Variants in DMD observed in about 807,000 individuals in gnomAD.
DMD encodes mutant dystrophin.
Under a neutral mutation model 330.1 loss-of-function variants are expected in DMD, and 63 were observed. That is an observed-to-expected ratio of 0.19 (90% CI 0.16 to 0.24). The LOEUF (loss-of-function observed/expected upper bound fraction) is 0.24, where lower values mean the gene tolerates loss of function less well. Ranked by LOEUF, DMD falls within the 10% of genes least tolerant of loss-of-function variation. DMD has a pLI of 1.00. For synonymous variants in DMD, 1,223 were observed against 959.8 expected, an observed-to-expected ratio of 1.27 and a Z score of -5.07; for missense variants, 3,344 against 2,684.1, an observed-to-expected ratio of 1.25 and a Z score of -5.43.
At chrX:31,696,356 T>C (rs1259516292) in intron 52 of DMD, among the ~76,000 whole-genome samples, 2 of 111,784 alleles carry the variant, frequency 1.8e-5, no homozygotes, top group African/African-American at 3.2e-5. Flanking sequence ...CACAAACATA[T>C]TGTTGGGGGG....
At chrX:31,643,944 T>C (rs889821078) in intron 54 of DMD, among the ~76,000 whole-genome samples, 24 of 112,130 alleles carry the variant, frequency 2.1e-4, no homozygotes, top group African/African-American at 7.8e-4. Flanking sequence ...AAGCACTTAA[T>C]TAGAAAATGG....
intron 47 of DMD, among the ~76,000 whole-genome samples, chrX:31,899,515 T>TAATAACG (rs1316408794): frequency 9.0e-6 from 1 of 110,913 alleles, no homozygotes; most frequent in African/African-American, 3.3e-5. Context: ...TTGAAGAAAA[T>TAATAACG]AATAACGTAG....
intron 60 of DMD, among the ~76,000 whole-genome samples, chrX:31,392,326 G>A (rs2060717500): frequency 2.7e-5 from 3 of 112,754 alleles, no homozygotes; most frequent in African/African-American, 9.7e-5. Flanking sequence ...AAACTGTTGA[G>A]CTAATAAACC....
intron 1 of DMD, among the ~76,000 whole-genome samples, chrX:33,262,048 C>A (rs1298274678): frequency 9.1e-6 from 1 of 109,371 alleles, no homozygotes; most frequent in Non-Finnish European, 1.9e-5. Flanking sequence ...GTTTAGAATT[C>A]TCAACAATAA....
chrX:33,280,653 T>G (rs2053315347), intron 1 of DMD, among the ~76,000 whole-genome samples: 1 of 111,976 alleles, frequency 8.9e-6, no homozygotes, highest in South Asian at 3.7e-4. Flanking sequence ...TATATGAATA[T>G]GTCCAAACTC....
chrX:32,697,023 A>C (rs942920944), intron 9 of DMD, among the ~76,000 whole-genome samples: 4 of 112,104 alleles, frequency 3.6e-5, no homozygotes, highest in African/African-American at 1.3e-4. Flanking sequence ...CGATAGGATC[A>C]GGTCTATCAT....
chrX:33,312,500 C>T (rs2053865343), intron 1 of DMD, among the ~76,000 whole-genome samples: 1 of 111,533 alleles, frequency 9.0e-6, no homozygotes, highest in Non-Finnish European at 1.9e-5. Flanking sequence ...ACTTGAATGT[C>T]GTTCTGGGTT....
chrX:32,754,839 G>A (rs1397296067), intron 7 of DMD: 1 of 111,724 alleles, frequency 9.0e-6, no homozygotes, highest in Non-Finnish European at 1.9e-5. Flanking sequence ...TCATTGTGCA[G>A]ATGGCTCCCA....
At chrX:32,568,880 A>G (rs1032838088) in intron 15 of DMD, among the ~76,000 whole-genome samples, 3 of 112,112 alleles carry the variant, frequency 2.7e-5, no homozygotes, top group Admixed American at 9.5e-5. Flanking sequence ...GATTCTTTTA[A>G]GCTTAGGTCT....
chrX:32,998,368 C>T (rs1410533236), intron 2 of DMD, among the ~76,000 whole-genome samples: 2 of 34,679 alleles, frequency 5.8e-5, no homozygotes, highest in South Asian at 2.3e-3. Flanking sequence ...GACCCAGTGT[C>T]AAAAAAAAAA....
chrX:32,173,364 AATT>A (rs1212870712), intron 44 of DMD, among the ~76,000 whole-genome samples: 1 of 109,896 alleles, frequency 9.1e-6, no homozygotes, highest in Admixed American at 9.8e-5. Flanking sequence ...GCTTCCTAAA[AATT>A]ATTATTATGA....
At chrX:32,529,029 CTCCT>C (rs1465600892) in intron 17 of DMD, among the ~76,000 whole-genome samples, 1 of 106,658 alleles carries the variant, frequency 9.4e-6, no homozygotes, top group Admixed American at 1.0e-4. Context: ...TCACACCATT[CTCCT>C]GCCTCAGCCT....
At chrX:32,951,448 T>C (rs2091243032) in intron 2 of DMD, among the ~76,000 whole-genome samples, 1 of 112,024 alleles carries the variant, frequency 8.9e-6, no homozygotes, top group Non-Finnish European at 1.9e-5. Context: ...TCCTAGGGTG[T>C]TCTGCAGCAG....
intron 74 of DMD, among the ~76,000 whole-genome samples, chrX:31,147,786 A>G (rs2147940196): frequency 9.1e-6 from 1 of 110,494 alleles, no homozygotes; most frequent in South Asian, 3.9e-4. Flanking sequence ...GTTACACTAA[A>G]AGCCTCGCGA....
chrX:32,893,935 A>C (rs1395945014), intron 2 of DMD, among the ~76,000 whole-genome samples: 2 of 110,539 alleles, frequency 1.8e-5, no homozygotes, highest in Admixed American at 1.9e-4. Context: ...TCTAGTGACA[A>C]CCTATGAAAA....
At chrX:31,831,621 T>C (rs918925753) in intron 49 of DMD, among the ~76,000 whole-genome samples, 43 of 111,578 alleles carry the variant, frequency 3.9e-4, no homozygotes, top group Admixed American at 4.8e-4. Flanking sequence ...ATTTATGAGA[T>C]GGAGTCTCAC....
At chrX:32,158,799 C>A (rs1384868817) in intron 44 of DMD, among the ~76,000 whole-genome samples, 1 of 111,871 alleles carries the variant, frequency 8.9e-6, no homozygotes, top group African/African-American at 3.3e-5. Flanking sequence ...ACATGGAGGA[C>A]CAAAGCTACC....
intron 2 of DMD, among the ~76,000 whole-genome samples, chrX:32,893,223 A>T (rs771017750): frequency 8.9e-6 from 1 of 111,910 alleles, no homozygotes; most frequent in East Asian, 2.8e-4. Flanking sequence ...TCGCCTACTT[A>T]TTTGGTTATT....
chrX:31,437,617 C>T (rs1299146741), intron 60 of DMD, among the ~76,000 whole-genome samples: 1 of 110,144 alleles, frequency 9.1e-6, no homozygotes, highest in Non-Finnish European at 1.9e-5. Flanking sequence ...TTGTTGTAGC[C>T]GAAGCAACAG....
Sources: gnomAD v4.1 joint callset for allele counts (sites outside exome capture counted in the v4.1 genomes callset) on GRCh38, gnomAD v4.1.1 for gene constraint, MANE v1.5 for transcripts, NCBI Gene and HGNC (gene_info 2026-07-23, HGNC 2026-07-21) for gene names.